Variants in C14orf132 observed in about 807,000 individuals in gnomAD.
C14orf132 encodes the protein chromosome 14 open reading frame 132.
A neutral mutation model predicts 5.8 loss-of-function variants in C14orf132; 6 were observed. That is an observed-to-expected ratio of 1.03 (90% CI 0.57 to 2.04). C14orf132 has a LOEUF of 2.04. Ranked by LOEUF, C14orf132 falls within the 30% of genes most tolerant of loss-of-function variation. The pLI is 0.00. For synonymous variants in C14orf132, 51 were observed against 49.8 expected (o/e 1.02, Z -0.10); for missense variants, 125 against 115.8 (o/e 1.08, Z -0.37).
rs1888319531 is a variant in C14orf132, at chr14:96,089,716, G to A, written c.*2981G>A. 1 of 152,236 alleles carries A rather than the reference G, an allele frequency of 6.6e-6. No homozygotes were observed. The highest frequency in any genetic ancestry group is 2.4e-5 in the African/African-American group (1 of 41,436). The allele number at this position is 152,236 out of a possible 1,614,324, so 9.4% of individuals were successfully genotyped here. ...AAGGCCTGCCCCCTTCTTTAAGACT[G>A]AACTCAAGTCTCCTTGGAAGGCCCC... On this transcript the variant is annotated 3_prime_UTR_variant, in exon 2 of 2. Coordinates refer to ENST00000555004, the MANE Select transcript of C14orf132 (RefSeq NM_001252507.3).
At chr14:96,078,943 G>A (rs558680419) in intron 1 of C14orf132, among the ~76,000 whole-genome samples, 17 of 152,352 alleles carry the variant, frequency 1.1e-4, no homozygotes, top group African/African-American at 2.4e-4. Context: ...AGCCCTCCCC[G>A]TCAGAGGACA....
At chr14:96,049,589 T>C (rs866064798) in intron 1 of C14orf132, among the ~76,000 whole-genome samples, 22 of 137,010 alleles carry the variant, frequency 1.6e-4, no homozygotes, top group Middle Eastern at 3.8e-3. Flanking sequence ...CGTATATATA[T>C]ACATATATAC....
intron 1 of C14orf132, among the ~76,000 whole-genome samples, chr14:96,049,078 C>T (rs1346645264): frequency 6.6e-6 from 1 of 152,084 alleles, no homozygotes; most frequent in African/African-American, 2.4e-5. Context: ...GTGCCCACCA[C>T]TGTATCCAGC....
chr14:96,069,286 T>G (rs1229421017), intron 1 of C14orf132, among the ~76,000 whole-genome samples: 1 of 65,366 alleles, frequency 1.5e-5, no homozygotes, highest in East Asian at 1.1e-3. Context: ...TATATATATA[T>G]ATATATATAT....
At chr14:96,048,532 T>C (rs1028958183) in intron 1 of C14orf132, among the ~76,000 whole-genome samples, 2 of 152,174 alleles carry the variant, frequency 1.3e-5, no homozygotes, top group Non-Finnish European at 2.9e-5. Context: ...TTATTTATTT[T>C]TTATATTTTT....
intron 1 of C14orf132, among the ~76,000 whole-genome samples, chr14:96,060,983 C>T (rs919507722): frequency 6.6e-6 from 1 of 152,170 alleles, no homozygotes; most frequent in African/African-American, 2.4e-5. Flanking sequence ...TTGAAAAAGT[C>T]CTTCCCAGAA....
intron 1 of C14orf132, among the ~76,000 whole-genome samples, chr14:96,060,266 AATGAAGG>A (rs886814264): frequency 6.6e-6 from 1 of 152,162 alleles, no homozygotes; most frequent in African/African-American, 2.4e-5. Flanking sequence ...CTGCACAGAA[AATGAAGG>A]AGGTGGGATT....
intron 1 of C14orf132, chr14:96,051,328 GA>G: frequency 5.0e-6 from 2 of 397,734 alleles, no homozygotes; most frequent in Non-Finnish European, 8.9e-6. Context: ...AGTGAGCAGA[GA>G]TGGGTTCTTT....
chr14:96,040,693 C>A (rs1026659816), intron 1 of C14orf132, among the ~76,000 whole-genome samples: 1 of 151,926 alleles, frequency 6.6e-6, no homozygotes, highest in African/African-American at 2.4e-5. Context: ...CCTGGCTCTC[C>A]GGCAGCCCCT....
In C14orf132 at chr14:96,078,988, C is replaced by A. The variant is rs76808159; in HGVS notation, c.28-7523C>A. Among the ~76,000 whole-genome samples, 2,650 of 152,346 alleles carry A rather than the reference C, an allele frequency of 0.017. 244 individuals are homozygous for A. In the East Asian group the frequency reaches 0.28, roughly 16 times the overall value. ...GGATCAGCGTGTACCTAGCCATGCA[C>A]CTTCCATTTCCTTTCTTACGTTCCC... On this transcript the variant is annotated intron_variant, in intron 1 of 1. Transcript: ENST00000555004.
At chr14:96,057,762 A>G (rs1399901702) in intron 1 of C14orf132, among the ~76,000 whole-genome samples, 5 of 152,172 alleles carry the variant, frequency 3.3e-5, no homozygotes, top group African/African-American at 9.7e-5. Context: ...TGGTGCTAGT[A>G]GACATCCTGG....
At chr14:96,066,036 C>T (rs536396129) in intron 1 of C14orf132, among the ~76,000 whole-genome samples, 7 of 152,178 alleles carry the variant, frequency 4.6e-5, no homozygotes, top group Non-Finnish European at 8.8e-5. Context: ...GCACAGCCTC[C>T]TCCCCCTTAT....
At chr14:96,054,864 A>G (rs1174536228) in intron 1 of C14orf132, among the ~76,000 whole-genome samples, 1 of 152,168 alleles carries the variant, frequency 6.6e-6, no homozygotes, top group Non-Finnish European at 1.5e-5. Context: ...TAATGCATTC[A>G]CTAATGTGGC....
intron 1 of C14orf132, among the ~76,000 whole-genome samples, chr14:96,063,385 T>G (rs1470974935): frequency 6.6e-6 from 1 of 152,144 alleles, no homozygotes; most frequent in Non-Finnish European, 1.5e-5. Context: ...CTTGGCTCAC[T>G]GTAACGTCTG....
intron 1 of C14orf132, among the ~76,000 whole-genome samples, chr14:96,051,438 C>G (rs1292709419): frequency 2.0e-5 from 3 of 152,186 alleles, no homozygotes; most frequent in African/African-American, 7.2e-5. Flanking sequence ...AGCCTGAGGC[C>G]CACGCAGTTT....
intron 1 of C14orf132, among the ~76,000 whole-genome samples, chr14:96,084,793 A>C (rs1595193416): frequency 2.0e-5 from 3 of 152,240 alleles, no homozygotes; most frequent in African/African-American, 7.2e-5. Context: ...TAACTGCCCT[A>C]TTCCATCCCC....
At chr14:96,067,194 G>A (rs993713686) in intron 1 of C14orf132, among the ~76,000 whole-genome samples, 8 of 152,208 alleles carry the variant, frequency 5.3e-5, no homozygotes, top group East Asian at 1.9e-4. Context: ...AGGCAGCAGC[G>A]TGCCAGCACT....
rs373780049 is a variant in C14orf132 at position 96,056,604 on chromosome 14, G to A, written c.27+17077G>A. Among the ~76,000 whole-genome samples, 112 of 152,294 alleles carry A rather than the reference G, an allele frequency of 7.4e-4. 1 individual carries two copies. The highest frequency in any genetic ancestry group is 2.3e-3 in the African/African-American group (96 of 41,572). On this transcript the variant is annotated intron_variant, in intron 1 of 1. Coordinates refer to ENST00000555004, the MANE Select transcript of C14orf132 (RefSeq NM_001252507.3). ...TGGGGATAATGACCTCTCCTGGCTC[G>A]TGGAGGTGTAAGGATTAGGTAAGGC... is the stretch of plus-strand genomic sequence containing the variant.
In C14orf132 at chr14:96,091,037, G is replaced by A. The variant is rs62618758; in HGVS notation, c.*4302G>A. ...ACTTCTCAAATTGCCCCTGGGGGCA[G>A]GAATGAGGATGCAGAGAGATGCACG... On this transcript the variant is annotated 3_prime_UTR_variant, in exon 2 of 2. Coordinates refer to ENST00000555004, the MANE Select transcript of C14orf132 (RefSeq NM_001252507.3). 5,390 of 456,026 alleles carry A rather than the reference G, an allele frequency of 0.012. 35 individuals are homozygous for A. Among genetic ancestry groups the A allele is most frequent in the Non-Finnish European group, 0.016 (3,692 of 226,782 alleles). The allele number at this position is 456,026 out of a possible 1,614,324, so 28.2% of individuals were successfully genotyped here.
Sources: gnomAD v4.1 joint callset for allele counts (sites outside exome capture counted in the v4.1 genomes callset) on GRCh38, gnomAD v4.1.1 for gene constraint, MANE v1.5 for transcripts, NCBI Gene and HGNC (gene_info 2026-07-23, HGNC 2026-07-21) for gene names.